The following CHRM3 variants were observed in gnomAD, a reference collection of about 807,000 sequenced individuals.
CHRM3 encodes cholinergic receptor muscarinic 3.
In CHRM3, 11 loss-of-function variants were observed where a neutral mutation model predicts 41.8. The observed-to-expected ratio is 0.26, with a 90% CI of 0.17 to 0.44. The LOEUF is 0.44. CHRM3 is among the 20% of genes least tolerant of loss of function. The pLI is 1.00. For synonymous variants in CHRM3, 297 were observed against 301.4 expected, an observed-to-expected ratio of 0.99 and a Z score of 0.15; for missense variants, 571 against 745.4, an observed-to-expected ratio of 0.77 and a Z score of 2.72.
chr1:239,888,018 T>G (rs921051695), intron 6 of CHRM3, among the ~76,000 whole-genome samples: 5 of 152,190 alleles, frequency 3.3e-5, no homozygotes, highest in African/African-American at 9.6e-5. Flanking sequence ...GTTGAGTTGC[T>G]TGTTTAAGTC....
At chr1:239,897,816 G>T (rs895598256) in intron 6 of CHRM3, among the ~76,000 whole-genome samples, 4 of 152,134 alleles carry the variant, frequency 2.6e-5, no homozygotes, top group Admixed American at 6.5e-5. Context: ...AACATCAGTC[G>T]AATCTAGGTT....
intron 3 of CHRM3, among the ~76,000 whole-genome samples, chr1:239,573,125 G>A (rs773170144): frequency 3.3e-5 from 5 of 151,992 alleles, no homozygotes; most frequent in East Asian, 1.9e-4. Context: ...CCTTCCCATC[G>A]CCACGAGGCT....
intron 1 of CHRM3, among the ~76,000 whole-genome samples, chr1:239,469,551 T>A (rs562370208): frequency 2.4e-4 from 36 of 152,256 alleles, no homozygotes; most frequent in African/African-American, 7.0e-4. Flanking sequence ...TTTTAAAAAA[T>A]TTTTTTATTT....
At chr1:239,487,943 G>A (rs1226321346) in intron 1 of CHRM3, among the ~76,000 whole-genome samples, 1 of 150,218 alleles carries the variant, frequency 6.7e-6, no homozygotes, top group Non-Finnish European at 1.5e-5. Flanking sequence ...TAGAAAATTA[G>A]GCAATAAACA....
At chr1:239,792,316 A>G (rs1166622649) in intron 5 of CHRM3, among the ~76,000 whole-genome samples, 1 of 152,152 alleles carries the variant, frequency 6.6e-6, no homozygotes, top group Non-Finnish European at 1.5e-5. Flanking sequence ...GATCTCACAG[A>G]TCTCTGAAAT....
At chr1:239,763,294 C>T (rs1666946353) in intron 5 of CHRM3, among the ~76,000 whole-genome samples, 1 of 152,164 alleles carries the variant, frequency 6.6e-6, no homozygotes, top group Non-Finnish European at 1.5e-5. Flanking sequence ...ATTTTCAATG[C>T]ATGCTTTACT....
chr1:239,601,818 A>T lies in CHRM3; in HGVS notation c.-312-30406A>T, dbSNP rs530542466. 2.7e-4 allele frequency among the ~76,000 whole-genome samples: 41 copies of T among 152,120 alleles called. No homozygotes were observed. The South Asian group carries it at 7.9e-3, about 29-fold the overall frequency. ...TGTTTTCTGTTTCTGTGCTTTTTAT[A>T]TAAATTTGAAAAATATCCCTTTGTT... On this transcript the variant is annotated intron_variant, in intron 3 of 6. Transcript: ENST00000676153.
chr1:239,399,444 C>T (rs1451811255), intron 1 of CHRM3, among the ~76,000 whole-genome samples: 3 of 151,370 alleles, frequency 2.0e-5, no homozygotes, highest in African/African-American at 4.9e-5. Context: ...CAATAGATCT[C>T]TCAAACTTAT....
intron 5 of CHRM3, among the ~76,000 whole-genome samples, chr1:239,775,166 G>C (rs938904827): frequency 7.9e-5 from 12 of 151,968 alleles, no homozygotes; most frequent in Admixed American, 6.6e-4. Context: ...ACCTCTTTTG[G>C]TAAGTTTATT....
At chr1:239,403,774 A>G (rs886969552) in intron 1 of CHRM3, among the ~76,000 whole-genome samples, 1 of 151,952 alleles carries the variant, frequency 6.6e-6, no homozygotes, top group Non-Finnish European at 1.5e-5. Context: ...CGTATACATC[A>G]TAATCATATG....
intron 6 of CHRM3, among the ~76,000 whole-genome samples, chr1:239,839,078 G>A (rs954130252): frequency 2.6e-5 from 4 of 152,182 alleles, no homozygotes; most frequent in African/African-American, 9.7e-5. Flanking sequence ...TCTTCCATTC[G>A]ATTGGCCCTT....
intron 2 of CHRM3, among the ~76,000 whole-genome samples, chr1:239,535,983 T>C (rs1243859688): frequency 1.3e-5 from 2 of 152,130 alleles, no homozygotes; most frequent in Admixed American, 1.3e-4. Flanking sequence ...AGATGAACAA[T>C]GTGCATGTCT....
At chr1:239,642,501 T>G (rs772876256) in intron 4 of CHRM3, among the ~76,000 whole-genome samples, 24 of 152,192 alleles carry the variant, frequency 1.6e-4, no homozygotes, top group Non-Finnish European at 2.9e-4. Context: ...CCCTTCTCGC[T>G]TCATTTCATT....
At chr1:239,597,903 T>C (rs1192157318) in intron 3 of CHRM3, among the ~76,000 whole-genome samples, 1 of 137,234 alleles carries the variant, frequency 7.3e-6, no homozygotes, top group Non-Finnish European at 1.6e-5. Flanking sequence ...TTGACAAATC[T>C]TTCTTTCTCT....
chr1:239,759,182 GT>G (rs1346616146), intron 5 of CHRM3, among the ~76,000 whole-genome samples: 125 of 42,904 alleles, frequency 2.9e-3, no homozygotes, highest in East Asian at 7.2e-3. Flanking sequence ...TTTTTTTTTT[GT>G]TTTTTTTTTT....
At chr1:239,866,274 G>A (rs1023696880) in intron 6 of CHRM3, among the ~76,000 whole-genome samples, 26 of 152,098 alleles carry the variant, frequency 1.7e-4, no homozygotes, top group African/African-American at 5.8e-4. Flanking sequence ...CTACTCGGGA[G>A]GCTGAGGCAG....
At chr1:239,415,471 G>A (rs927939674) in intron 1 of CHRM3, among the ~76,000 whole-genome samples, 11 of 151,958 alleles carry the variant, frequency 7.2e-5, no homozygotes, top group African/African-American at 2.2e-4. Context: ...CTTCTTCTCT[G>A]TTATATAAGA....
intron 1 of CHRM3, among the ~76,000 whole-genome samples, chr1:239,429,180 A>G (rs530311027): frequency 6.6e-6 from 1 of 152,362 alleles, no homozygotes; most frequent in South Asian, 2.1e-4. Flanking sequence ...GCTTTTGAGT[A>G]AATACACTTG....
At chr1:239,400,161 G>A (rs569879326) in intron 1 of CHRM3, among the ~76,000 whole-genome samples, 11 of 152,202 alleles carry the variant, frequency 7.2e-5, no homozygotes, top group African/African-American at 2.6e-4. Flanking sequence ...CGCCCACCTC[G>A]GCCTTCCAAA....
Sources: gnomAD v4.1 joint callset for allele counts (sites outside exome capture counted in the v4.1 genomes callset) on GRCh38, gnomAD v4.1.1 for gene constraint, MANE v1.5 for transcripts, NCBI Gene and HGNC (gene_info 2026-07-23, HGNC 2026-07-21) for gene names.